Variants in COL4A5 observed in about 807,000 individuals in gnomAD.
COL4A5 encodes collagen alpha-5(IV) chain.
A neutral mutation model predicts 130.2 loss-of-function variants in COL4A5; 26 were observed. That is an observed-to-expected ratio of 0.20 (90% CI 0.15 to 0.28). COL4A5 has a LOEUF of 0.28. Among genes scored for constraint, COL4A5 ranks in the 10% least tolerant of loss-of-function variants. The pLI, the probability that COL4A5 is intolerant of heterozygous loss-of-function variation, is 1.00. For missense variants in COL4A5, 1,131 were observed against 1,344.3 expected, an observed-to-expected ratio of 0.84 and a Z score of 2.48; for synonymous variants, 496 against 439.6, an observed-to-expected ratio of 1.13 and a Z score of -1.60.
chrX:108,631,642 C>G (rs2067262661), intron 36 of COL4A5, among the ~76,000 whole-genome samples: 1 of 111,526 alleles, frequency 9.0e-6, no homozygotes, highest in South Asian at 3.7e-4. Flanking sequence ...TCTCACACCA[C>G]AGTGCAATCA....
chrX:108,509,555 A>G (rs1037360836), intron 1 of COL4A5, among the ~76,000 whole-genome samples: 2 of 112,313 alleles, frequency 1.8e-5, no homozygotes, highest in Non-Finnish European at 3.8e-5. Flanking sequence ...ACATGAAAAA[A>G]TGCTCAATGT....
chrX:108,650,587 C>T (rs991801106), intron 36 of COL4A5, among the ~76,000 whole-genome samples: 2 of 111,427 alleles, frequency 1.8e-5, no homozygotes, highest in Non-Finnish European at 3.8e-5. Flanking sequence ...CAATGGAATT[C>T]TACTCGGCCA....
chrX:108,686,016 A>T lies in COL4A5; in HGVS notation c.4217-15A>T. The T allele has an allele frequency of 8.4e-7, 1 of 1,186,648 alleles. No homozygotes were observed. Among genetic ancestry groups the T allele is most frequent in the Non-Finnish European group, 1.1e-6 (1 of 873,064 alleles). ...TATTCTACTCATATTTGAATGCCTC[A>T]TTCTTTTCCTGTAGGTCCAACTGGC... On this transcript the variant is annotated splice_polypyrimidine_tract_variant and intron_variant, in intron 47 of 52. Transcript: ENST00000328300.
rs145625862 is a variant in COL4A5 at position 108,567,506 on chromosome X, A to G, written c.277-1123A>G. On this transcript the variant is annotated intron_variant, in intron 4 of 52. Transcript: ENST00000328300. ...GTAATCATAGTTTTACATTATGTGA[A>G]TGTGCCATAATTTATTTAGTCATGT... Among the ~76,000 whole-genome samples the G allele has an allele frequency of 8.2e-4, 92 of 111,908 alleles. 1 individual carries two copies. The highest frequency in any genetic ancestry group is 2.9e-3 in the African/African-American group (89 of 30,815).
chrX:108,677,376 T>G, intron 43 of COL4A5, 124 bp from the exon 44 acceptor site: 3 of 655,417 alleles, frequency 4.6e-6, no homozygotes, highest in Non-Finnish European at 7.0e-6. Flanking sequence ...GGTCTAGATA[T>G]TTTAATGTTG....
At chrX:108,520,721 G>A (rs2065257086) in intron 1 of COL4A5, among the ~76,000 whole-genome samples, 1 of 111,319 alleles carries the variant, frequency 9.0e-6, no homozygotes, top group African/African-American at 3.3e-5. Context: ...CAACCTTTCT[G>A]TGTAACTGTA....
At chrX:108,495,402 C>G (rs1280877086) in intron 1 of COL4A5, among the ~76,000 whole-genome samples, 1 of 111,463 alleles carries the variant, frequency 9.0e-6, no homozygotes, top group Non-Finnish European at 1.9e-5. Flanking sequence ...AATGAAAACA[C>G]TAGCTATAAA....
At chrX:108,604,392 A>T (rs1054706578) in intron 28 of COL4A5, among the ~76,000 whole-genome samples, 5 of 112,200 alleles carry the variant, frequency 4.5e-5, no homozygotes, top group African/African-American at 1.6e-4. Flanking sequence ...CTCTTGGGTG[A>T]CTAGGTGCAT....
At chrX:108,443,492 C>T (rs2064422006) in intron 1 of COL4A5, among the ~76,000 whole-genome samples, 1 of 111,847 alleles carries the variant, frequency 8.9e-6, no homozygotes, top group African/African-American at 3.2e-5. Context: ...CTTTACTTAA[C>T]ATGCTTAATT....
At chrX:108,666,246 C>T (rs868840953) in intron 38 of COL4A5, among the ~76,000 whole-genome samples, 4 of 111,334 alleles carry the variant, frequency 3.6e-5, no homozygotes, top group Middle Eastern at 4.6e-3. Context: ...TAATTCTCCC[C>T]ACCACCCTTC....
rs994825024 is a variant in COL4A5 at position 108,548,767 on chromosome X, A to T, written c.141+8962A>T. ...TTACACCGTGTATAGTGGAACAATT[A>T]TACGAATGATGACAGACTTCTCATC... is the stretch of plus-strand genomic sequence containing the variant. On this transcript the variant is annotated intron_variant, in intron 2 of 52. Coordinates refer to ENST00000328300, the MANE Select transcript of COL4A5 (RefSeq NM_033380.3). 6.2e-5 allele frequency among the ~76,000 whole-genome samples: 7 copies of T among 112,003 alleles called. No homozygotes were observed. The Admixed American group carries it at 6.7e-4, about 11-fold the overall frequency.
rs536687325 is a variant in COL4A5 at position 108,620,012 on chromosome X, C to T, written c.2510-247C>T. ...ATAAAAAATATTAGTCTGTGATTAA[C>T]TAGGAATTAAGAAAAGATTGGCCTT... On this transcript the variant is annotated intron_variant, in intron 30 of 52. Transcript: ENST00000328300. 3.0e-4 allele frequency among the ~76,000 whole-genome samples: 34 copies of T among 112,049 alleles called. No homozygotes were observed. In the South Asian group the frequency reaches 0.013, roughly 41 times the overall value.
intron 22 of COL4A5, among the ~76,000 whole-genome samples, chrX:108,596,519 C>T (rs187439587): frequency 1.8e-5 from 2 of 112,369 alleles, no homozygotes; most frequent in East Asian, 5.6e-4. Context: ...GTAATGTTTC[C>T]TCTAGTCTTT....
intron 20 of COL4A5, 114 bp from the exon 21 acceptor site, chrX:108,591,447 A>G: frequency 1.5e-6 from 1 of 681,899 alleles, no homozygotes; most frequent in Non-Finnish European, 2.3e-6. Flanking sequence ...TTTTGCTTAT[A>G]GGTACTTTTA....
intron 6 of COL4A5, among the ~76,000 whole-genome samples, chrX:108,570,046 A>G (rs888007755): frequency 8.7e-4 from 97 of 111,774 alleles, no homozygotes; most frequent in African/African-American, 3.1e-3. Flanking sequence ...AACTTGAACA[A>G]CTATTTTGCA....
At chrX:108,615,462 C>T (rs2066910145) in intron 30 of COL4A5, among the ~76,000 whole-genome samples, 2 of 111,270 alleles carry the variant, frequency 1.8e-5, no homozygotes, top group Admixed American at 9.6e-5. Flanking sequence ...TTTAGGCATT[C>T]CCATTTTCTT....
At chrX:108,537,912 C>A (rs772970323) in intron 1 of COL4A5, among the ~76,000 whole-genome samples, 1 of 111,672 alleles carries the variant, frequency 9.0e-6, no homozygotes, top group African/African-American at 3.2e-5. Context: ...TCTTGTGAAA[C>A]GGTATCTTCT....
At chrX:108,632,277 C>T (rs972303402) in intron 36 of COL4A5, among the ~76,000 whole-genome samples, 1 of 110,088 alleles carries the variant, frequency 9.1e-6, no homozygotes, top group Admixed American at 9.7e-5. Context: ...AAGACTAAAC[C>T]AGGAAGAAGT....
intron 36 of COL4A5, among the ~76,000 whole-genome samples, chrX:108,646,852 G>T (rs1317625188): frequency 5.4e-5 from 6 of 110,451 alleles, no homozygotes; most frequent in African/African-American, 1.3e-4. Context: ...TTTCCCCATT[G>T]CTTGTTTTTG....
Sources: allele counts gnomAD v4.1 joint callset (sites outside exome capture counted in the v4.1 genomes callset), GRCh38; gene constraint gnomAD v4.1.1; transcripts MANE v1.5; gene names NCBI Gene and HGNC (gene_info 2026-07-23, HGNC 2026-07-21).